Variants in PTPRD observed in about 807,000 individuals in gnomAD.
PTPRD encodes the protein protein tyrosine phosphatase receptor type D, also known as receptor-type tyrosine-protein phosphatase delta.
Under a neutral mutation model 214.5 loss-of-function variants are expected in PTPRD, and 34 were observed. That is an observed-to-expected ratio of 0.16 (90% confidence interval 0.12 to 0.21). PTPRD has a LOEUF of 0.21. PTPRD is among the 10% of genes least tolerant of loss of function. PTPRD has a pLI of 1.00. For synonymous variants in PTPRD, 1,128 were observed against 845.7 expected, an observed-to-expected ratio of 1.33 and a Z score of -5.79; for missense variants, 2,545 against 2,398.7, an observed-to-expected ratio of 1.06 and a Z score of -1.27.
chr9:10,533,481 T>C lies in PTPRD; in HGVS notation c.-600+78917A>G, dbSNP rs762392979. On this transcript the variant is annotated intron_variant, in intron 2 of 45. Transcript: ENST00000381196. ...GGGTATATACACTCAGCTGTCTCGCTGAGTCTTTGCTGATTTATTTCCATT... is the reference window on the plus strand; with the variant it reads ...GGGTATATACACTCAGCTGTCTCGCCGAGTCTTTGCTGATTTATTTCCATT... 5.7e-4 allele frequency among the ~76,000 whole-genome samples: 87 copies of C among 152,244 alleles called. 1 individual carries two copies. The highest frequency in any genetic ancestry group is 3.4e-3 in the Middle Eastern group (1 of 294).
chr9:10,462,740 A>G (rs999511636), intron 2 of PTPRD, among the ~76,000 whole-genome samples: 3 of 152,088 alleles, frequency 2.0e-5, no homozygotes, highest in Admixed American at 6.5e-5. Flanking sequence ...TAAGTAAAAA[A>G]AAAAAATACT....
intron 10 of PTPRD, among the ~76,000 whole-genome samples, chr9:9,139,493 A>G (rs1339949017): frequency 6.6e-6 from 1 of 152,216 alleles, no homozygotes; most frequent in Non-Finnish European, 1.5e-5. Context: ...ATAACAAAAT[A>G]GAACAATTAA....
Position 9,084,983 on chromosome 9 carries a change from C to A in PTPRD, c.-142-66248G>T, listed in dbSNP as rs999488687. 2.6e-5 allele frequency among the ~76,000 whole-genome samples: 4 copies of A among 152,214 alleles called. No homozygotes were observed. In the East Asian group the frequency reaches 7.7e-4, roughly 29 times the overall value. Reference sequence around the variant, plus strand: ...ACAGACAGGGAAAGATTATTTTTCCCTGAAAATATTCCTTTAAAACTTCTA... The same window carrying A: ...ACAGACAGGGAAAGATTATTTTTCCATGAAAATATTCCTTTAAAACTTCTA... On this transcript the variant is annotated intron_variant, in intron 10 of 45. Transcript: ENST00000381196.
At chr9:9,460,634 A>C (rs1374005228) in intron 8 of PTPRD, among the ~76,000 whole-genome samples, 1 of 152,164 alleles carries the variant, frequency 6.6e-6, no homozygotes, top group Non-Finnish European at 1.5e-5. Context: ...ATACCATCTT[A>C]TACCAAATAG....
intron 9 of PTPRD, among the ~76,000 whole-genome samples, chr9:9,208,331 T>TA (rs991218305): frequency 6.6e-6 from 1 of 151,926 alleles, no homozygotes; most frequent in Non-Finnish European, 1.5e-5. Flanking sequence ...TGTATTTTTT[T>TA]AAAAAACACC....
chr9:9,720,195 A>G (rs1389979294), intron 7 of PTPRD, among the ~76,000 whole-genome samples: 1 of 152,206 alleles, frequency 6.6e-6, no homozygotes, highest in Admixed American at 6.5e-5. Context: ...GGTATAAAAA[A>G]GGGGTAGCAG....
At chr9:8,928,384 G>A (rs571467125) in intron 11 of PTPRD, among the ~76,000 whole-genome samples, 4 of 152,218 alleles carry the variant, frequency 2.6e-5, no homozygotes, top group Admixed American at 1.3e-4. Context: ...TTTGTATAAG[G>A]TGTAAGGAAG....
intron 11 of PTPRD, among the ~76,000 whole-genome samples, chr9:8,790,119 C>G (rs1194797213): frequency 1.3e-5 from 2 of 152,052 alleles, no homozygotes; most frequent in Admixed American, 1.3e-4. Context: ...TGGGCTCAAG[C>G]AATCCTCCCG....
At chr9:8,690,298 C>T (rs184830480) in intron 12 of PTPRD, among the ~76,000 whole-genome samples, 10 of 151,818 alleles carry the variant, frequency 6.6e-5, no homozygotes, top group South Asian at 2.1e-4. Context: ...GAGGTCGAGG[C>T]GGGCAGATCA....
At chr9:10,163,551 T>C (rs1229016692) in intron 3 of PTPRD, among the ~76,000 whole-genome samples, 1 of 151,552 alleles carries the variant, frequency 6.6e-6, no homozygotes, top group Non-Finnish European at 1.5e-5. Flanking sequence ...AAACATATTT[T>C]AATCTCATAA....
intron 12 of PTPRD, among the ~76,000 whole-genome samples, chr9:8,639,367 G>C (rs896078196): frequency 1.6e-4 from 24 of 152,182 alleles, no homozygotes; most frequent in African/African-American, 5.8e-4. Context: ...ACACAAAATA[G>C]ATTGCTGTAT....
At chr9:8,615,762 G>T (rs1352922879) in intron 14 of PTPRD, among the ~76,000 whole-genome samples, 1 of 151,888 alleles carries the variant, frequency 6.6e-6, no homozygotes, top group Non-Finnish European at 1.5e-5. Context: ...AATTTTGAGA[G>T]GAAAATGCAT....
chr9:8,331,777 G>C (rs144241476), intron 43 of PTPRD, 41 bp from the exon 44 acceptor site: 2 of 1,530,612 alleles, frequency 1.3e-6, no homozygotes, highest in South Asian at 2.6e-5. Flanking sequence ...AAAGGAAGAC[G>C]CCAGGAGGAT....
intron 12 of PTPRD, among the ~76,000 whole-genome samples, chr9:8,722,163 G>C (rs1343067872): frequency 7.5e-6 from 1 of 132,660 alleles, no homozygotes; most frequent in African/African-American, 2.9e-5. Flanking sequence ...GTGTGTGTGT[G>C]TGTACAGAGA....
intron 39 of PTPRD, among the ~76,000 whole-genome samples, chr9:8,363,551 T>G (rs1225494587): frequency 6.6e-6 from 1 of 151,284 alleles, no homozygotes; most frequent in Non-Finnish European, 1.5e-5. Context: ...TTTTATAGAT[T>G]GACCAAAAAA....
At chr9:8,577,771 C>T (rs2092605669) in intron 14 of PTPRD, among the ~76,000 whole-genome samples, 1 of 152,152 alleles carries the variant, frequency 6.6e-6, no homozygotes, top group African/African-American at 2.4e-5. Context: ...CTCTGCATCA[C>T]CTGGGAACTC....
At chr9:9,001,853 A>G (rs2099420451) in intron 11 of PTPRD, among the ~76,000 whole-genome samples, 1 of 151,990 alleles carries the variant, frequency 6.6e-6, no homozygotes, top group South Asian at 2.1e-4. Flanking sequence ...AACTAGGCAC[A>G]TATTTTTCTT....
intron 12 of PTPRD, among the ~76,000 whole-genome samples, chr9:8,711,513 C>T (rs1488463152): frequency 6.6e-6 from 1 of 152,090 alleles, no homozygotes; most frequent in Non-Finnish European, 1.5e-5. Flanking sequence ...AATTACTAAA[C>T]CTTGCCAAGC....
intron 9 of PTPRD, among the ~76,000 whole-genome samples, chr9:9,340,115 G>T (rs1170617924): frequency 6.6e-6 from 1 of 151,960 alleles, no homozygotes; most frequent in Non-Finnish European, 1.5e-5. Flanking sequence ...TTTAATTTGA[G>T]GTAAGGCACT....
Sources: allele counts gnomAD v4.1 joint callset (sites outside exome capture counted in the v4.1 genomes callset), GRCh38; gene constraint gnomAD v4.1.1; transcripts MANE v1.5; gene names NCBI Gene and HGNC (gene_info 2026-07-23, HGNC 2026-07-21).